BROX: variants seen among roughly 807,000 people sequenced by gnomAD.
BROX encodes the protein BRO1 domain and CAAX motif containing.
A neutral mutation model predicts 61.0 loss-of-function variants in BROX; 53 were observed. The observed-to-expected ratio is 0.87, with a 90% CI of 0.70 to 1.09. The LOEUF (loss-of-function observed/expected upper bound fraction) is 1.09. BROX is among the 50% of genes least tolerant of loss of function. The pLI is 0.00. For missense variants in BROX, 489 were observed against 472.0 expected, an observed-to-expected ratio of 1.04 and a Z score of -0.33; for synonymous variants, 152 against 160.2, an observed-to-expected ratio of 0.95 and a Z score of 0.38.
intron 7 of BROX, 139 bp from the exon 8 acceptor site, chr1:222,727,029 A>G (rs1657554717): frequency 1.6e-6 from 1 of 607,164 alleles, no homozygotes; most frequent in African/African-American, 1.9e-5. Context: ...CATTTTCTAT[A>G]AGTTTGCACG....
At position 222,733,074 on chromosome 1, in the gene BROX, TTC is replaced by T. The variant is rs1396830221; in HGVS notation, c.*362_*363del. On this transcript the variant is annotated 3_prime_UTR_variant, in exon 13 of 13. Coordinates refer to ENST00000340934, the MANE Select transcript of BROX (RefSeq NM_144695.4). ...TCTTTTTTCTTTTTCTTTTTTTTTTTTCTTTTTTTTTTTTTTTTTTTTTGAGG... is the reference window on the plus strand; with the variant it reads ...TCTTTTTTCTTTTTCTTTTTTTTTTTTTTTTTTTTTTTTTTTTTTTTGAGG... The T allele has an allele frequency of 6.8e-6, 1 of 147,368 alleles. No individual in the cohort carries two copies. Among genetic ancestry groups the T allele is most frequent in the Non-Finnish European group, 1.5e-5 (1 of 68,756 alleles). The allele number at this position is 147,368 out of a possible 1,614,324, so 9.1% of individuals were successfully genotyped here.
chr1:222,719,223 T>G, intron 3 of BROX, 40 bp from the exon 4 acceptor site: 1 of 1,455,750 alleles, frequency 6.9e-7, no homozygotes, highest in East Asian at 2.3e-5. Context: ...ATATTTCTTC[T>G]AATTCTTCTA....
chr1:222,723,506 T>C (rs777599039), intron 5 of BROX, among the ~76,000 whole-genome samples: 6 of 152,202 alleles, frequency 3.9e-5, no homozygotes, highest in Non-Finnish European at 5.9e-5. Flanking sequence ...TGGAGACATA[T>C]TGACATGCTT....
chr1:222,729,730 C>G (rs2125040072), intron 10 of BROX, 29 bp downstream of exon 10: 2 of 1,578,662 alleles, frequency 1.3e-6, no homozygotes, highest in South Asian at 1.1e-5. Flanking sequence ...ATATTAACTC[C>G]CCTTTAAAAA....
At chr1:222,730,231 T>C (rs1657837685) in intron 11 of BROX, 54 bp downstream of exon 11, 2 of 1,159,456 alleles carry the variant, frequency 1.7e-6, no homozygotes, top group East Asian at 6.0e-5. Context: ...TTTATGATTA[T>C]ATTAAAATAT....
intron 9 of BROX, 141 bp downstream of exon 9, chr1:222,728,969 G>C: frequency 3.7e-6 from 2 of 544,700 alleles, no homozygotes; most frequent in Non-Finnish European, 6.4e-6. Context: ...TTCACTGAGA[G>C]TCAGTGCAAC....
Position 222,724,078 on chromosome 1 carries a change from C to G in BROX, c.402-14C>G. 1 of 1,584,678 alleles carries G rather than the reference C, an allele frequency of 6.3e-7. No individual in the cohort carries two copies. The highest frequency in any genetic ancestry group is 8.6e-7 in the Non-Finnish European group (1 of 1,160,040). ...GGAATTCATCCTCTAACTAATGTAACCCCTATCTTTAAGTATAACAGAAGA... is the reference window on the plus strand; with the variant it reads ...GGAATTCATCCTCTAACTAATGTAAGCCCTATCTTTAAGTATAACAGAAGA... On this transcript the variant is annotated splice_polypyrimidine_tract_variant and intron_variant, in intron 5 of 12. Transcript: ENST00000340934.
At chr1:222,723,255 T>A (rs1309028903) in intron 5 of BROX, among the ~76,000 whole-genome samples, 1 of 152,234 alleles carries the variant, frequency 6.6e-6, no homozygotes, top group African/African-American at 2.4e-5. Context: ...TATTTTGTCT[T>A]GTTTATATAC....
At chr1:222,723,868 A>G (rs1410255181) in intron 5 of BROX, among the ~76,000 whole-genome samples, 2 of 152,180 alleles carry the variant, frequency 1.3e-5, no homozygotes, top group Non-Finnish European at 2.9e-5. Flanking sequence ...CCTGCTGGCC[A>G]GGATGGTCTC....
intron 4 of BROX, 81 bp downstream of exon 4, chr1:222,719,440 T>A: frequency 5.1e-6 from 5 of 989,478 alleles, no homozygotes; most frequent in Admixed American, 2.2e-5. Context: ...GCCTTTGTAT[T>A]TGGAGAAGAA....
chr1:222,725,571 T>C lies in BROX; in HGVS notation c.580+16T>C. On this transcript the variant is annotated intron_variant, in intron 7 of 12. Coordinates refer to ENST00000340934, the MANE Select transcript of BROX (RefSeq NM_144695.4). ...GCTCAAGAAGGTATCCTAAATATTGTAAGATTTTTTTAAATGAAAGTCTAT... is the reference window on the plus strand; with the variant it reads ...GCTCAAGAAGGTATCCTAAATATTGCAAGATTTTTTTAAATGAAAGTCTAT... The C allele has an allele frequency of 6.4e-7, 1 of 1,551,616 alleles. No individual in the cohort carries two copies. Among genetic ancestry groups the C allele is most frequent in the Middle Eastern group, 1.7e-4 (1 of 5,844 alleles).
At chr1:222,728,132 G>T (rs1011868228) in intron 8 of BROX, among the ~76,000 whole-genome samples, 1 of 152,166 alleles carries the variant, frequency 6.6e-6, no homozygotes, top group Non-Finnish European at 1.5e-5. Flanking sequence ...TTTAAGAAAG[G>T]TCCCTATAGT....
At chr1:222,713,177 T>TG (rs2124980407) in intron 1 of BROX, 2 of 982,742 alleles carry the variant, frequency 2.0e-6, no homozygotes, top group African/African-American at 3.5e-5. Context: ...GCATCTCCAT[T>TG]GGTCATTGGA....
chr1:222,732,663 G>GAA lies in BROX; in HGVS notation c.1187_1188dup (p.Glu397LysfsTer68). On this transcript the variant is annotated frameshift_variant, in exon 13 of 13. Coordinates refer to ENST00000340934, the MANE Select transcript of BROX (RefSeq NM_144695.4). LOFTEE classifies it high-confidence loss of function. ...AACCAGAAGAAGAAGTGAAACCTGT[G>GAA]AAAGAACCAGACATCAAACCTCAAA... The GAA allele has an allele frequency of 6.2e-7, 1 of 1,613,658 alleles. No individual in the cohort carries two copies. Among genetic ancestry groups the GAA allele is most frequent in the South Asian group, 1.1e-5 (1 of 91,066 alleles).
chr1:222,728,730 A>C lies in BROX; in HGVS notation c.671-13A>C. On this transcript the variant is annotated splice_polypyrimidine_tract_variant and intron_variant, in intron 8 of 12. Coordinates refer to ENST00000340934, the MANE Select transcript of BROX (RefSeq NM_144695.4). Reference sequence around the variant, plus strand: ...GGCGAAATTATATTTTGCTTTTTAAAATGTAACTTTAGATCATACTTTATC... The same window carrying C: ...GGCGAAATTATATTTTGCTTTTTAACATGTAACTTTAGATCATACTTTATC... 6.5e-7 allele frequency: 1 copy of C among 1,545,020 alleles called. No homozygotes were observed. The highest frequency in any genetic ancestry group is 8.9e-7 in the Non-Finnish European group (1 of 1,127,780).
chr1:222,731,649 C>A, intron 12 of BROX, 133 bp downstream of exon 12: 1 of 900,434 alleles, frequency 1.1e-6, no homozygotes, highest in Non-Finnish European at 1.6e-6. Context: ...TTATATAGTG[C>A]TTAATGTAAT....
intron 8 of BROX, among the ~76,000 whole-genome samples, chr1:222,728,447 G>T (rs1322741708): frequency 1.3e-5 from 2 of 151,996 alleles, no homozygotes; most frequent in Admixed American, 6.5e-5. Flanking sequence ...TAATATAACG[G>T]TATAAACAGT....
rs1308385418 is a variant in BROX at position 222,733,473 on chromosome 1, A to T, written c.*759A>T. 2.0e-5 allele frequency: 3 copies of T among 152,178 alleles called. No homozygotes were observed. Among genetic ancestry groups the T allele is most frequent in the Non-Finnish European group, 4.4e-5 (3 of 68,036 alleles). The allele number at this position is 152,178 out of a possible 1,614,324, so 9.4% of individuals were successfully genotyped here. A position where few individuals can be genotyped will look rare whatever the true frequency, so the allele number is the denominator to read the frequency against. On this transcript the variant is annotated 3_prime_UTR_variant, in exon 13 of 13. Transcript: ENST00000340934. ...TGACAGGAATCAGTTTTTAACAGAGATAGTTTTTCCGTTTCTCCATTGTGT... is the reference window on the plus strand; with the variant it reads ...TGACAGGAATCAGTTTTTAACAGAGTTAGTTTTTCCGTTTCTCCATTGTGT...
chr1:222,714,339 A>T (rs1438160796), intron 1 of BROX, among the ~76,000 whole-genome samples: 1 of 149,520 alleles, frequency 6.7e-6, no homozygotes, highest in East Asian at 2.0e-4. Context: ...AGTAGCTGGG[A>T]CTACAGGCGA....
Sources: allele counts gnomAD v4.1 joint callset (sites outside exome capture counted in the v4.1 genomes callset), GRCh38; gene constraint gnomAD v4.1.1; transcripts MANE v1.5; gene names NCBI Gene and HGNC (gene_info 2026-07-23, HGNC 2026-07-21).